Variants in PCDHA5 observed in about 807,000 individuals in gnomAD.
PCDHA5 encodes protocadherin alpha 5.
PCDHA5 carries 43 observed loss-of-function variants against 61.6 expected under a neutral mutation model. That is an observed-to-expected ratio of 0.70 (90% CI 0.55 to 0.90). The LOEUF is 0.90. Ranked by LOEUF, PCDHA5 falls within the 40% of genes least tolerant of loss-of-function variation. PCDHA5 has a pLI of 0.00. For missense variants in PCDHA5, 1,298 were observed against 1,222.7 expected, an observed-to-expected ratio of 1.06 and a Z score of -0.92; for synonymous variants, 627 against 543.9, an observed-to-expected ratio of 1.15 and a Z score of -2.13.
At chr5:140,864,245 T>C (rs1189962615) in intron 1 of PCDHA5, 1 of 152,208 alleles carries the variant, frequency 6.6e-6, no homozygotes, top group Non-Finnish European at 1.5e-5. Flanking sequence ...TTCCTATTCA[T>C]TTTCTTATTC....
intron 1 of PCDHA5, among the ~76,000 whole-genome samples, chr5:140,970,414 A>G (rs2096403953): frequency 6.6e-6 from 1 of 152,224 alleles, no homozygotes; most frequent in South Asian, 2.1e-4. Context: ...CCCTACAGTA[A>G]GGTGTAGAGG....
chr5:140,950,110 C>A (rs542585854), intron 1 of PCDHA5, among the ~76,000 whole-genome samples: 23 of 151,848 alleles, frequency 1.5e-4, no homozygotes, highest in African/African-American at 5.5e-4. Context: ...AAATCTCATA[C>A]AATACAAAAC....
At chr5:140,949,222 G>T (rs1472220330) in intron 1 of PCDHA5, among the ~76,000 whole-genome samples, 1 of 151,662 alleles carries the variant, frequency 6.6e-6, no homozygotes, top group Non-Finnish European at 1.5e-5. Flanking sequence ...GTTTAGACTT[G>T]TTCTGTGGCC....
rs782079622 is a variant in PCDHA5, at chr5:140,830,671, A to T, written c.2352+6544A>T. On this transcript the variant is annotated intron_variant, in intron 1 of 3. Coordinates refer to ENST00000529859, the MANE Select transcript of PCDHA5 (RefSeq NM_018908.3). ...TAATATTCATAATTTAAGTGAAATTAGAAATCACTGTCCACAATCTGCACC... is the reference window on the plus strand; with the variant it reads ...TAATATTCATAATTTAAGTGAAATTTGAAATCACTGTCCACAATCTGCACC... 15 of 371,800 alleles carry T rather than the reference A, an allele frequency of 4.0e-5. 1 individual carries two copies. The highest frequency in any genetic ancestry group is 6.2e-5 in the Non-Finnish European group (14 of 224,206). 23.0% of individuals were successfully genotyped at this position (371,800 alleles called of 1,614,324 possible).
At chr5:140,858,263 T>A (rs781901851) in intron 1 of PCDHA5, 1 of 1,596,360 alleles carries the variant, frequency 6.3e-7, no homozygotes, top group Non-Finnish European at 8.6e-7. Flanking sequence ...CACGCTGGTG[T>A]GCTCTAGCGC....
rs1335716065 is a variant in PCDHA5 at position 140,875,555 on chromosome 5, G to A, written c.2352+51428G>A. On this transcript the variant is annotated intron_variant, in intron 1 of 3. Coordinates refer to ENST00000529859, the MANE Select transcript of PCDHA5 (RefSeq NM_018908.3). ...CTCCTTGCAGCCTGGGAGGTGGGGA[G>A]CGGCCAGCTCCACTACTCCGTCTAC... is the stretch of plus-strand genomic sequence containing the variant. 5 of 1,614,018 alleles carry A rather than the reference G, an allele frequency of 3.1e-6. No individual in the cohort carries two copies. In the East Asian group the frequency reaches 6.7e-5, roughly 22 times the overall value.
intron 1 of PCDHA5, chr5:140,856,754 G>T: frequency 6.3e-7 from 1 of 1,596,774 alleles, no homozygotes; most frequent in Non-Finnish European, 8.6e-7. Context: ...AGATGCCAAT[G>T]ATAACGCCCC....
chr5:140,926,787 A>G, intron 1 of PCDHA5: 2 of 1,420,842 alleles, frequency 1.4e-6, no homozygotes, highest in Non-Finnish European at 1.8e-6. Context: ...GACGGCCGGC[A>G]GGAGCGTGCT....
At chr5:140,928,878 G>A (rs1563110550) in intron 1 of PCDHA5, 6 of 1,614,194 alleles carry the variant, frequency 3.7e-6, no homozygotes, top group Non-Finnish European at 4.2e-6. Flanking sequence ...CTGTCCCTCA[G>A]TTACTTCCAG....
At chr5:140,882,086 A>T in intron 1 of PCDHA5, 2 of 1,056,122 alleles carry the variant, frequency 1.9e-6, no homozygotes, top group Non-Finnish European at 2.7e-6. Context: ...GTCGCTCTTC[A>T]CTGAGAACGT....
intron 1 of PCDHA5, chr5:140,829,201 C>T (rs2150163730): frequency 8.1e-6 from 13 of 1,614,196 alleles, no homozygotes; most frequent in Admixed American, 1.7e-5. Context: ...CTGTCATCGC[C>T]CTAATTAGCG....
In PCDHA5 at chr5:140,870,746, T is replaced by C. The variant is rs781831995; in HGVS notation, c.2352+46619T>C. 5.0e-6 allele frequency: 8 copies of C among 1,613,488 alleles called. No individual in the cohort carries two copies. The East Asian group carries it at 1.8e-4, about 36-fold the overall frequency. ...GGCGTGCCGCCTCTGAGCAGCAACG[T>C]GACGCTGCAGGTGTTCGTGCTGGAC... On this transcript the variant is annotated intron_variant, in intron 1 of 3. Transcript: ENST00000529859.
At chr5:140,967,749 C>T (rs1554229896) in intron 1 of PCDHA5, 1 of 1,614,172 alleles carries the variant, frequency 6.2e-7, no homozygotes, top group African/African-American at 1.3e-5. Context: ...TATGAGGAAG[C>T]CTCCTCCTAC....
At chr5:140,834,344 G>A (rs2150215547) in intron 1 of PCDHA5, 3 of 1,518,348 alleles carry the variant, frequency 2.0e-6, no homozygotes, top group Non-Finnish European at 1.8e-6. Context: ...AAATTCGAAG[G>A]CAAGTTTTGC....
intron 1 of PCDHA5, chr5:140,857,381 G>A (rs1232678115): frequency 6.3e-7 from 1 of 1,598,364 alleles, no homozygotes; most frequent in Non-Finnish European, 8.6e-7. Flanking sequence ...TGTGGAGGTG[G>A]CCGACGTGAA....
chr5:140,937,838 G>A (rs757526914), intron 1 of PCDHA5, among the ~76,000 whole-genome samples: 3 of 150,986 alleles, frequency 2.0e-5, no homozygotes, highest in Non-Finnish European at 2.9e-5. Context: ...CATGAACCTG[G>A]AAGGCGGAAC....
At chr5:140,856,403 G>T in intron 1 of PCDHA5, 2 of 1,598,562 alleles carry the variant, frequency 1.3e-6, no homozygotes, top group South Asian at 2.2e-5. Context: ...TTTCCATGTG[G>T]ACGTGGAAGT....
intron 1 of PCDHA5, chr5:140,928,117 A>G (rs781867812): frequency 1.1e-5 from 18 of 1,614,208 alleles, no homozygotes; most frequent in Non-Finnish European, 1.5e-5. Context: ...GGAGCAGATC[A>G]GTGAATACCA....
intron 1 of PCDHA5, among the ~76,000 whole-genome samples, chr5:140,887,409 T>C (rs1203976948): frequency 6.6e-6 from 1 of 152,184 alleles, no homozygotes; most frequent in African/African-American, 2.4e-5. Context: ...TATCTCATTT[T>C]TATTTTTGAA....
Sources: allele counts gnomAD v4.1 joint callset (sites outside exome capture counted in the v4.1 genomes callset), GRCh38; gene constraint gnomAD v4.1.1; transcripts MANE v1.5; gene names NCBI Gene and HGNC (gene_info 2026-07-23, HGNC 2026-07-21).